Variants in KDM4C observed in about 807,000 individuals in gnomAD.
KDM4C encodes the protein lysine demethylase 4C, also known as lysine-specific demethylase 4C.
Under a neutral mutation model 129.3 loss-of-function variants are expected in KDM4C, and 81 were observed. The observed-to-expected ratio is 0.63, with a 90% CI of 0.52 to 0.75. The LOEUF (loss-of-function observed/expected upper bound fraction) is 0.75, where lower values mean the gene tolerates loss of function less well. Among genes scored for constraint, KDM4C ranks in the 30% least tolerant of loss-of-function variants. The pLI is 0.00. For missense variants in KDM4C, 1,457 were observed against 1,304.0 expected (o/e 1.12, Z -1.81); for synonymous variants, 573 against 456.1 (o/e 1.26, Z -3.26).
chr9:6,975,129 C>G (rs1269115455), intron 8 of KDM4C, among the ~76,000 whole-genome samples: 1 of 152,162 alleles, frequency 6.6e-6, no homozygotes, highest in Non-Finnish European at 1.5e-5. Context: ...AATTGCCTTA[C>G]TTTATAAGGG....
chr9:6,813,602 A>C (rs375102981), intron 3 of KDM4C, among the ~76,000 whole-genome samples: 66 of 152,254 alleles, frequency 4.3e-4, no homozygotes, highest in African/African-American at 1.4e-3. Context: ...ACTTTGCTTC[A>C]TTATATTCTC....
chr9:7,087,855 G>A (rs1012878083), intron 17 of KDM4C, among the ~76,000 whole-genome samples: 1 of 152,188 alleles, frequency 6.6e-6, no homozygotes, highest in Non-Finnish European at 1.5e-5. Flanking sequence ...AACTTATGAT[G>A]AGAAATTTTG....
chr9:7,135,004 C>T (rs1191293885), intron 19 of KDM4C, among the ~76,000 whole-genome samples: 1 of 152,196 alleles, frequency 6.6e-6, no homozygotes, highest in Admixed American at 6.5e-5. Context: ...TTGTGTAACT[C>T]ATATGACTTT....
chr9:6,929,129 G>T (rs1259348869), intron 8 of KDM4C, among the ~76,000 whole-genome samples: 3 of 152,172 alleles, frequency 2.0e-5, no homozygotes, highest in Admixed American at 6.5e-5. Context: ...CCCTCAGCTA[G>T]AAGTAATCTC....
intron 15 of KDM4C, 105 bp downstream of exon 15, chr9:7,016,034 G>A: frequency 1.4e-6 from 1 of 705,358 alleles, no homozygotes. Flanking sequence ...GCTTATATGT[G>A]CAGTTCTGCA....
intron 18 of KDM4C, among the ~76,000 whole-genome samples, chr9:7,125,348 T>G (rs1210296612): frequency 1.3e-5 from 2 of 152,182 alleles, no homozygotes; most frequent in Non-Finnish European, 2.9e-5. Flanking sequence ...TAGAATGTGT[T>G]CCATCAGTCT....
intron 17 of KDM4C, among the ~76,000 whole-genome samples, chr9:7,082,332 T>C (rs974535482): frequency 2.0e-5 from 3 of 152,164 alleles, no homozygotes; most frequent in Admixed American, 2.0e-4. Context: ...TCAGAATCTT[T>C]AGCAAGTGGG....
At chr9:7,078,876 A>G (rs562157255) in intron 17 of KDM4C, among the ~76,000 whole-genome samples, 2 of 152,314 alleles carry the variant, frequency 1.3e-5, no homozygotes, top group African/African-American at 4.8e-5. Context: ...AGGATGTAAC[A>G]TGTAGTTGTA....
chr9:7,113,691 A>G (rs2133234938), intron 18 of KDM4C, among the ~76,000 whole-genome samples: 1 of 152,186 alleles, frequency 6.6e-6, no homozygotes, highest in Non-Finnish European at 1.5e-5. Flanking sequence ...AAATGGTTGA[A>G]CTCTAGGCTA....
At chr9:7,069,848 A>G (rs113324822) in intron 17 of KDM4C, among the ~76,000 whole-genome samples, 65 of 152,366 alleles carry the variant, frequency 4.3e-4, no homozygotes, top group African/African-American at 1.5e-3. Flanking sequence ...ACAATGTGAG[A>G]CATGAGGTGG....
At chr9:7,108,150 C>T (rs1465441794) in intron 18 of KDM4C, among the ~76,000 whole-genome samples, 1 of 152,096 alleles carries the variant, frequency 6.6e-6, no homozygotes, top group African/African-American at 2.4e-5. Flanking sequence ...CTTGTTATTC[C>T]ACCATCTGGC....
intron 8 of KDM4C, among the ~76,000 whole-genome samples, chr9:6,977,979 C>G (rs1833211308): frequency 6.6e-6 from 1 of 152,154 alleles, no homozygotes; most frequent in Non-Finnish European, 1.5e-5. Flanking sequence ...CACTAGAAAC[C>G]TCAATGTTCT....
At chr9:7,141,926 A>T (rs562380437) in intron 19 of KDM4C, among the ~76,000 whole-genome samples, 11 of 152,212 alleles carry the variant, frequency 7.2e-5, no homozygotes, top group Admixed American at 7.2e-4. Flanking sequence ...CTCTAAATGG[A>T]TGTGTCATCA....
intron 4 of KDM4C, chr9:6,819,204 C>G (rs1003981908): frequency 6.6e-6 from 1 of 152,098 alleles, no homozygotes; most frequent in African/African-American, 2.4e-5. Context: ...CCTGAATTAG[C>G]TGTATGTATT....
rs866132900 is a variant in KDM4C at position 7,120,852 on chromosome 9, T to G, written c.2611-7214T>G. ...AACTCACTTGGTCAGCTGTTTTTCA[T>G]TTTTGTTTTCAGCATATCAGTTGAA... On this transcript the variant is annotated intron_variant, in intron 18 of 21. Transcript: ENST00000381309. Among the ~76,000 whole-genome samples, 2 of 152,316 alleles carry G rather than the reference T, an allele frequency of 1.3e-5. 1 individual carries two copies. Among genetic ancestry groups the G allele is most frequent in the Middle Eastern group, 6.8e-3 (2 of 294 alleles).
intron 15 of KDM4C, among the ~76,000 whole-genome samples, chr9:7,025,365 T>C (rs990061711): frequency 1.3e-5 from 2 of 152,112 alleles, no homozygotes; most frequent in Non-Finnish European, 2.9e-5. Context: ...TCCATTGTTA[T>C]TAAGAAGTAA....
intron 17 of KDM4C, among the ~76,000 whole-genome samples, chr9:7,101,589 T>C (rs905335100): frequency 3.3e-5 from 5 of 152,360 alleles, no homozygotes; most frequent in Admixed American, 6.5e-5. Context: ...AAGTCCCCAC[T>C]TCTGGTCCTC....
chr9:6,776,933 G>C (rs1823202276), intron 1 of KDM4C, among the ~76,000 whole-genome samples: 2 of 152,154 alleles, frequency 1.3e-5, no homozygotes, highest in African/African-American at 4.8e-5. Flanking sequence ...TTCTCCTACT[G>C]TGCCCATTTG....
chr9:7,128,294 G>T (rs1408928631), intron 19 of KDM4C, 58 bp downstream of exon 19: 4 of 1,322,604 alleles, frequency 3.0e-6, no homozygotes, highest in Non-Finnish European at 4.0e-6. Flanking sequence ...AAAAACCAAA[G>T]TAACTGAGCC....
Sources: allele counts gnomAD v4.1 joint callset (sites outside exome capture counted in the v4.1 genomes callset), GRCh38; gene constraint gnomAD v4.1.1; transcripts MANE v1.5; gene names NCBI Gene and HGNC (gene_info 2026-07-23, HGNC 2026-07-21).